Variants in SLC24A2 observed in about 807,000 individuals in gnomAD.
The protein encoded by SLC24A2 is solute carrier family 24 member 2.
Under a neutral mutation model 62.0 loss-of-function variants are expected in SLC24A2, and 36 were observed. That is an observed-to-expected ratio of 0.58 (90% confidence interval 0.44 to 0.77). The LOEUF (loss-of-function observed/expected upper bound fraction) is 0.77. SLC24A2 is among the 30% of genes least tolerant of loss of function. The pLI is 0.00. For synonymous variants in SLC24A2, 358 were observed against 294.0 expected (o/e 1.22, Z -2.23); for missense variants, 846 against 817.9 (o/e 1.03, Z -0.42).
the SLC24A2 span, among the ~76,000 whole-genome samples, chr9:20,257,658 G>T: frequency 6.6e-6 from 1 of 152,158 alleles, no homozygotes; most frequent in Non-Finnish European, 1.5e-5. Flanking sequence ...TATTAACTAG[G>T]CCAGTTTCCT....
the SLC24A2 span, among the ~76,000 whole-genome samples, chr9:19,860,074 T>C: frequency 6.6e-6 from 1 of 151,990 alleles, no homozygotes; most frequent in Non-Finnish European, 1.5e-5. Flanking sequence ...CCAGAGACAA[T>C]GGACTGGGGG....
intron 9 of SLC24A2, among the ~76,000 whole-genome samples, chr9:19,527,751 T>G (rs1833505932): frequency 6.6e-6 from 1 of 152,174 alleles, no homozygotes; most frequent in Non-Finnish European, 1.5e-5. Flanking sequence ...GGCAAAATCT[T>G]GACATTGCTC....
At chr9:19,605,461 G>C (rs540534593) in intron 4 of SLC24A2, among the ~76,000 whole-genome samples, 1 of 152,128 alleles carries the variant, frequency 6.6e-6, no homozygotes, top group African/African-American at 2.4e-5. Context: ...TGTAAATACA[G>C]AGATTAAAAT....
At chr9:20,139,936 G>T in the SLC24A2 span, among the ~76,000 whole-genome samples, 1 of 152,202 alleles carries the variant, frequency 6.6e-6, no homozygotes, top group Non-Finnish European at 1.5e-5. Flanking sequence ...AGCCCCTTTT[G>T]CATGGAAACA....
At chr9:20,014,044 T>C in the SLC24A2 span, among the ~76,000 whole-genome samples, 1 of 151,978 alleles carries the variant, frequency 6.6e-6, no homozygotes, top group African/African-American at 2.4e-5. Flanking sequence ...TCTGTCTCTA[T>C]AAAAAATTTA....
chr9:19,543,094 C>G (rs537513201), intron 8 of SLC24A2, among the ~76,000 whole-genome samples: 51 of 152,220 alleles, frequency 3.4e-4, no homozygotes, highest in Admixed American at 2.9e-3. Context: ...TAATTACTGC[C>G]TCAATTTCAG....
chr9:19,600,875 T>G (rs1836823120), intron 4 of SLC24A2, among the ~76,000 whole-genome samples: 1 of 152,178 alleles, frequency 6.6e-6, no homozygotes, highest in South Asian at 2.1e-4. Flanking sequence ...TGCAGGTTTC[T>G]GAAAAGGATT....
At chr9:19,546,973 C>T (rs549721626) in intron 8 of SLC24A2, among the ~76,000 whole-genome samples, 18 of 152,006 alleles carry the variant, frequency 1.2e-4, no homozygotes, top group East Asian at 5.8e-4. Context: ...CTGGGTGAGG[C>T]GACACCCCAC....
chr9:20,172,612 A>C, the SLC24A2 span, among the ~76,000 whole-genome samples: 1 of 152,074 alleles, frequency 6.6e-6, no homozygotes, highest in Admixed American at 6.6e-5. Flanking sequence ...AGATGGATAA[A>C]TTTCTGGAAA....
the SLC24A2 span, among the ~76,000 whole-genome samples, chr9:20,072,871 T>C: frequency 3.3e-5 from 5 of 152,100 alleles, no homozygotes; most frequent in African/African-American, 9.7e-5. Context: ...CTTAACCCGC[T>C]GAATCTGATT....
At chr9:19,794,760 C>T in the SLC24A2 span, among the ~76,000 whole-genome samples, 2 of 151,840 alleles carry the variant, frequency 1.3e-5, no homozygotes, top group Non-Finnish European at 2.9e-5. Flanking sequence ...CAGAGGCACA[C>T]CAGTAAGGAA....
chr9:20,035,294 C>A, the SLC24A2 span, among the ~76,000 whole-genome samples: 1 of 152,098 alleles, frequency 6.6e-6, no homozygotes, highest in East Asian at 1.9e-4. Context: ...ACTTGTAAAG[C>A]ACTATAGTGT....
intron 2 of SLC24A2, among the ~76,000 whole-genome samples, chr9:19,744,563 T>C (rs1442144373): frequency 6.6e-6 from 1 of 152,184 alleles, no homozygotes; most frequent in African/African-American, 2.4e-5. Flanking sequence ...GGACAGCCGC[T>C]ACTTGGCTCC....
chr9:20,304,795 A>T, the SLC24A2 span, among the ~76,000 whole-genome samples: 3 of 152,180 alleles, frequency 2.0e-5, no homozygotes, highest in African/African-American at 7.2e-5. Flanking sequence ...GAGAAGAAAC[A>T]AGTAACTTGC....
the SLC24A2 span, among the ~76,000 whole-genome samples, chr9:19,850,974 T>TATATATATATACACATAC: frequency 4.3e-5 from 2 of 46,934 alleles, no homozygotes; most frequent in Non-Finnish European, 8.7e-5. Context: ...TATGTATATA[T>TATATATATATACACATAC]ATATATATAT....
At chr9:20,031,573 A>T in the SLC24A2 span, among the ~76,000 whole-genome samples, 5 of 152,026 alleles carry the variant, frequency 3.3e-5, no homozygotes, top group Admixed American at 6.5e-5. Flanking sequence ...GTACTTTTTT[A>T]AAAAAATCAA....
chr9:19,534,099 G>C (rs1057220161), intron 8 of SLC24A2, among the ~76,000 whole-genome samples: 1 of 152,180 alleles, frequency 6.6e-6, no homozygotes, highest in African/African-American at 2.4e-5. Context: ...TTTATTCACA[G>C]AGGGGAAAAA....
the SLC24A2 span, among the ~76,000 whole-genome samples, chr9:19,885,362 C>G: frequency 2.0e-5 from 3 of 152,142 alleles, no homozygotes; most frequent in African/African-American, 7.2e-5. Flanking sequence ...GAGAGAAACA[C>G]TAGATGTTCA....
chr9:19,878,236 G>A, the SLC24A2 span, among the ~76,000 whole-genome samples: 1 of 152,144 alleles, frequency 6.6e-6, no homozygotes, highest in Non-Finnish European at 1.5e-5. Context: ...TGGGAAAACA[G>A]CTCCATAACA....
Sources: gnomAD v4.1 joint callset for allele counts (sites outside exome capture counted in the v4.1 genomes callset) on GRCh38, gnomAD v4.1.1 for gene constraint, MANE v1.5 for transcripts, NCBI Gene and HGNC (gene_info 2026-07-23, HGNC 2026-07-21) for gene names.